Variants in CUX2 observed in about 807,000 individuals in gnomAD.
CUX2 encodes the protein cut like homeobox 2.
In CUX2, 40 loss-of-function variants were observed where a neutral mutation model predicts 144.8. The ratio of observed to expected loss-of-function variants is 0.28; its 90% CI spans 0.21 to 0.36. The LOEUF is 0.36. Ranked by LOEUF, CUX2 falls within the 10% of genes least tolerant of loss-of-function variation. The pLI, the probability that CUX2 is intolerant of heterozygous loss-of-function variation, is 1.00. For synonymous variants in CUX2, 827 were observed against 875.6 expected (o/e 0.94, Z 0.98); for missense variants, 1,615 against 1,994.0 (o/e 0.81, Z 3.62).
intron 4 of CUX2, among the ~76,000 whole-genome samples, chr12:111,290,928 T>A (rs1429648316): frequency 1.3e-5 from 2 of 151,554 alleles, no homozygotes; most frequent in Non-Finnish European, 2.9e-5. Context: ...AGTGGCGTGA[T>A]CTCAGCTCAC....
At chr12:111,269,837 A>G (rs953154970) in intron 4 of CUX2, among the ~76,000 whole-genome samples, 4 of 152,092 alleles carry the variant, frequency 2.6e-5, no homozygotes, top group African/African-American at 9.7e-5. Flanking sequence ...TTCCAAGCCC[A>G]GTGCTGACTC....
At chr12:111,042,811 T>C (rs1196387967) in intron 1 of CUX2, among the ~76,000 whole-genome samples, 4 of 151,332 alleles carry the variant, frequency 2.6e-5, no homozygotes, top group African/African-American at 9.7e-5. Context: ...TTTTTTTTTT[T>C]TAACGTAGAA....
intron 1 of CUX2, among the ~76,000 whole-genome samples, chr12:111,177,610 C>T (rs1223139074): frequency 2.0e-5 from 3 of 152,184 alleles, no homozygotes; most frequent in East Asian, 1.9e-4. Context: ...AGGCTGGTCT[C>T]GAACTCCTGA....
Position 111,320,697 on chromosome 12 carries a change from A to C in CUX2, c.2688A>C (p.Val896=). Residue 896 remains valine, a synonymous_variant, in exon 17 of 22, where the codon GTA becomes GTC. Coordinates refer to ENST00000261726, the MANE Select transcript of CUX2 (RefSeq NM_015267.4). This position sits in a 1 kb window ranked among gnomAD's most constrained non-coding sequence, Gnocchi z 8.1. The part of the protein sequence containing the change: ...EQYELYMYRE[V]DTLELTRQVK... Reference sequence around the variant, plus strand: ...ACGAGCTGTACATGTACCGTGAGGTAGACACGCTGGAGCTCACCCGCCAGG... The same window carrying C: ...ACGAGCTGTACATGTACCGTGAGGTCGACACGCTGGAGCTCACCCGCCAGG... The C allele has an allele frequency of 6.3e-7, 1 of 1,594,408 alleles. No homozygotes were observed. The highest frequency in any genetic ancestry group is 8.5e-7 in the Non-Finnish European group (1 of 1,178,042).
chr12:111,064,052 G>C (rs908013996), intron 1 of CUX2, among the ~76,000 whole-genome samples: 1 of 152,188 alleles, frequency 6.6e-6, no homozygotes, highest in African/African-American at 2.4e-5. Context: ...GGACATGGAC[G>C]TTGGGATCAA....
intron 1 of CUX2, among the ~76,000 whole-genome samples, chr12:111,096,977 GAAAAAA>G (rs566833194): frequency 6.8e-6 from 1 of 147,112 alleles, no homozygotes; most frequent in Non-Finnish European, 1.5e-5. Flanking sequence ...GCTCCATCAA[GAAAAAA>G]AAAAGAAAAA....
chr12:111,094,892 G>C (rs1872731237), intron 1 of CUX2, among the ~76,000 whole-genome samples: 1 of 152,188 alleles, frequency 6.6e-6, no homozygotes, highest in Non-Finnish European at 1.5e-5. Flanking sequence ...CAGCCTGGAG[G>C]CTGTCTTATT....
At position 111,034,712 on chromosome 12, in the gene CUX2, G is replaced by GGGAGGAGGAGGAGGAGA. The variant is rs933047959; in HGVS notation, c.63+491_63+507dup. 1.3e-5 allele frequency among the ~76,000 whole-genome samples: 2 copies of GGGAGGAGGAGGAGGAGA among 151,464 alleles called. No homozygotes were observed. The highest frequency in any genetic ancestry group is 2.1e-4 in the South Asian group (1 of 4,832). On this transcript the variant is annotated intron_variant, in intron 1 of 21. Coordinates refer to ENST00000261726, the MANE Select transcript of CUX2 (RefSeq NM_015267.4). The surrounding 1 kb of genome is among the most constrained non-coding windows in gnomAD (Gnocchi z 4.2). ...GAGGGAGGGAGGGAGCTGGCGGGCA[G>GGGAGGAGGAGGAGGAGA]GGAGGAGGAGGAGGAGAGGAGGAGG...
intron 1 of CUX2, among the ~76,000 whole-genome samples, chr12:111,081,152 G>A (rs1032537305): frequency 5.9e-5 from 9 of 152,164 alleles, no homozygotes; most frequent in African/African-American, 2.2e-4. Flanking sequence ...CTGCTGCAGT[G>A]GTGGGAGGAT....
At chr12:111,264,279 A>G (rs1884271828) in intron 4 of CUX2, among the ~76,000 whole-genome samples, 1 of 152,214 alleles carries the variant, frequency 6.6e-6, no homozygotes, top group Non-Finnish European at 1.5e-5. Flanking sequence ...CAGCCCCAGA[A>G]GAGCACATCC....
intron 3 of CUX2, among the ~76,000 whole-genome samples, chr12:111,230,933 A>G (rs756920046): frequency 6.6e-6 from 1 of 152,208 alleles, no homozygotes; most frequent in Non-Finnish European, 1.5e-5. Context: ...CACACACAGT[A>G]GATGGAAAAA....
At chr12:111,093,946 G>A (rs1465211064) in intron 1 of CUX2, among the ~76,000 whole-genome samples, 1 of 152,216 alleles carries the variant, frequency 6.6e-6, no homozygotes, top group Non-Finnish European at 1.5e-5. Flanking sequence ...ATCCGCAGGA[G>A]CCAATTGATG....
chr12:111,163,642 T>C (rs1711725350), intron 1 of CUX2, among the ~76,000 whole-genome samples: 3 of 152,184 alleles, frequency 2.0e-5, no homozygotes, highest in Non-Finnish European at 4.4e-5. Flanking sequence ...TACCTGAAAC[T>C]ACCTTGGCAC....
At chr12:111,138,304 C>T (rs1260779365) in intron 1 of CUX2, among the ~76,000 whole-genome samples, 1 of 151,926 alleles carries the variant, frequency 6.6e-6, no homozygotes, top group Non-Finnish European at 1.5e-5. Flanking sequence ...GACAAGGTGT[C>T]ACTGTTCTCA....
At chr12:111,080,209 A>C (rs918426735) in intron 1 of CUX2, among the ~76,000 whole-genome samples, 5 of 152,060 alleles carry the variant, frequency 3.3e-5, no homozygotes, top group Non-Finnish European at 7.4e-5. Context: ...AGTTACCTTC[A>C]CAGGCTTCTC....
intron 1 of CUX2, among the ~76,000 whole-genome samples, chr12:111,136,175 G>A (rs1875874386): frequency 6.6e-6 from 1 of 151,968 alleles, no homozygotes; most frequent in Non-Finnish European, 1.5e-5. Flanking sequence ...AAGGATGCAG[G>A]AACATCGCGT....
At chr12:111,232,171 A>T (rs1882499085) in intron 3 of CUX2, among the ~76,000 whole-genome samples, 1 of 151,644 alleles carries the variant, frequency 6.6e-6, no homozygotes, top group African/African-American at 2.4e-5. Flanking sequence ...GCGCCACTGC[A>T]CTCCAGCCTG....
chr12:111,303,395 G>T (rs1886404933), intron 9 of CUX2, among the ~76,000 whole-genome samples: 1 of 151,982 alleles, frequency 6.6e-6, no homozygotes, highest in Admixed American at 6.6e-5. Context: ...CAGCACTTTG[G>T]GAGGCTGAAG....
At chr12:111,099,376 C>T (rs1873052831) in intron 1 of CUX2, 1 of 360,786 alleles carries the variant, frequency 2.8e-6, no homozygotes, top group Non-Finnish European at 5.5e-6. Flanking sequence ...GGCCTCTGAG[C>T]TCATAAAAAT....
Sources: allele counts gnomAD v4.1 joint callset (sites outside exome capture counted in the v4.1 genomes callset), GRCh38; gene constraint gnomAD v4.1.1; non-coding constraint Gnocchi (gnomAD v3.1); transcripts MANE v1.5; gene names NCBI Gene and HGNC (gene_info 2026-07-23, HGNC 2026-07-21).